Variants in TNFRSF10D observed in about 807,000 individuals in gnomAD.
The protein encoded by TNFRSF10D is TNF receptor superfamily member 10d.
In TNFRSF10D, 28 loss-of-function variants were observed where a neutral mutation model predicts 42.1. The ratio of observed to expected loss-of-function variants is 0.66; its 90% CI spans 0.49 to 0.91. TNFRSF10D has a LOEUF of 0.91. TNFRSF10D is among the 40% of genes least tolerant of loss of function. The pLI, the probability that TNFRSF10D is intolerant of heterozygous loss-of-function variation, is 0.00. For missense variants in TNFRSF10D, 503 were observed against 486.1 expected (o/e 1.03, Z -0.33); for synonymous variants, 186 against 189.4 (o/e 0.98, Z 0.15).
chr8:23,163,243 C>T (rs1323708778), intron 1 of TNFRSF10D, among the ~76,000 whole-genome samples: 4 of 152,104 alleles, frequency 2.6e-5, no homozygotes, highest in Non-Finnish European at 5.9e-5. Flanking sequence ...GCTGGGATTA[C>T]AGGCGACCGC....
Position 23,163,247 on chromosome 8 carries a change from C to T in TNFRSF10D, c.150+539G>A, listed in dbSNP as rs183531113. ...CCTCCCGAGTAGCTGGGATTACAGG[C>T]GACCGCCATCACGTCCGGCTAATTT... On this transcript the variant is annotated intron_variant, in intron 1 of 8. Transcript: ENST00000312584. Among the ~76,000 whole-genome samples, 8 of 152,190 alleles carry T rather than the reference C, an allele frequency of 5.3e-5. No homozygotes were observed. The East Asian group carries it at 1.5e-3, about 29-fold the overall frequency.
chr8:23,160,611 C>T (rs112683720), intron 1 of TNFRSF10D, among the ~76,000 whole-genome samples: 9 of 152,104 alleles, frequency 5.9e-5, no homozygotes, highest in African/African-American at 2.2e-4. Context: ...AAGATGTACA[C>T]TCTCTGGCTG....
Position 23,149,959 on chromosome 8 carries a change from C to T in TNFRSF10D, c.257-1408G>A, listed in dbSNP as rs540576967. On this transcript the variant is annotated intron_variant, in intron 2 of 8. Coordinates refer to ENST00000312584, the MANE Select transcript of TNFRSF10D (RefSeq NM_003840.5). ...GCCTCTTATAATTATCCCATTAGCA[C>T]GGTGCCTGACTGACAGAAATCATCC... Among the ~76,000 whole-genome samples, 14 of 152,240 alleles carry T rather than the reference C, an allele frequency of 9.2e-5. No homozygotes were observed. The East Asian group carries it at 1.4e-3, about 15-fold the overall frequency.
intron 1 of TNFRSF10D, among the ~76,000 whole-genome samples, chr8:23,162,924 T>G (rs1180170829): frequency 2.0e-5 from 3 of 151,442 alleles, no homozygotes; most frequent in African/African-American, 7.3e-5. Context: ...TGTTTGTTTG[T>G]TTGTCTGTTT....
At chr8:23,145,529 G>A in intron 5 of TNFRSF10D, 139 bp downstream of exon 5, 3 of 1,285,832 alleles carry the variant, frequency 2.3e-6, no homozygotes, top group South Asian at 1.4e-5. Flanking sequence ...TGGGGATGGG[G>A]CGATCACAAG....
At position 23,163,789 on chromosome 8, in the gene TNFRSF10D, CA is replaced by C; in HGVS notation, c.146del (p.Leu49ArgfsTer151). The C allele has an allele frequency of 6.2e-7, 1 of 1,609,262 alleles. No homozygotes were observed. Among genetic ancestry groups the C allele is most frequent in the Non-Finnish European group, 8.5e-7 (1 of 1,178,500 alleles). On this transcript the variant is annotated frameshift_variant, in exon 1 of 9. Coordinates refer to ENST00000312584, the MANE Select transcript of TNFRSF10D (RefSeq NM_003840.5). LOFTEE classifies it high-confidence loss of function. ...KFVVFIVAVL[L>X]PVRVDSATIP... ...AGGGACCGCGGCGGAGACTCACCGG[CA>C]GCAGAACCGCGACGATGAAGACGAC...
At chr8:23,148,299 C>G (rs1027876205) in intron 3 of TNFRSF10D, 139 bp downstream of exon 3, 1 of 371,372 alleles carries the variant, frequency 2.7e-6, no homozygotes, top group African/African-American at 2.1e-5. Flanking sequence ...TTTTAATCAA[C>G]TAGTCATAAT....
intron 1 of TNFRSF10D, among the ~76,000 whole-genome samples, chr8:23,159,514 A>G (rs1316644698): frequency 6.6e-6 from 1 of 152,126 alleles, no homozygotes; most frequent in Admixed American, 6.5e-5. Flanking sequence ...CCAATTCAAT[A>G]TATAAGTAAC....
rs1800131970 is a variant in TNFRSF10D, at chr8:23,147,144, T to G, written c.371-72A>C. The G allele has an allele frequency of 3.1e-6, 4 of 1,279,150 alleles. No homozygotes were observed. In the South Asian group the frequency reaches 4.8e-5, roughly 15 times the overall value. 79.2% of individuals were successfully genotyped at this position (1,279,150 alleles called of 1,614,324 possible). A position where few individuals can be genotyped will look rare whatever the true frequency, so the allele number is the denominator to read the frequency against. ...CTGTCCACCCTTCCTCACCACCCCATCCCCTCCCACTCAGCTCAACTCAGT... is the reference window on the plus strand; with the variant it reads ...CTGTCCACCCTTCCTCACCACCCCAGCCCCTCCCACTCAGCTCAACTCAGT... On this transcript the variant is annotated intron_variant, in intron 3 of 8. Transcript: ENST00000312584.
At chr8:23,150,810 GA>G (rs1422916552) in intron 2 of TNFRSF10D, among the ~76,000 whole-genome samples, 917 of 151,802 alleles carry the variant, frequency 6.0e-3, no homozygotes, top group African/African-American at 0.019. Flanking sequence ...TTAATCGGAA[GA>G]AAGAATCAGT....
At chr8:23,152,376 T>C (rs1291497654) in intron 2 of TNFRSF10D, among the ~76,000 whole-genome samples, 1 of 152,192 alleles carries the variant, frequency 6.6e-6, no homozygotes, top group African/African-American at 2.4e-5. Context: ...TAAAGATCCA[T>C]GGGCATTATA....
rs750204400 is a variant in TNFRSF10D, at chr8:23,144,413, T to C, written c.954+37A>G. The C allele has an allele frequency of 4.4e-6, 7 of 1,600,456 alleles. No homozygotes were observed. In the South Asian group the frequency reaches 4.5e-5, roughly 10 times the overall value. ...ACTGTCTACAAAGTCCTGTGCAGGC[T>C]GCACGCCAGGCAGGGCACAGTCCCT... On this transcript the variant is annotated intron_variant, in intron 7 of 8. Coordinates refer to ENST00000312584, the MANE Select transcript of TNFRSF10D (RefSeq NM_003840.5).
rs1800106535 is a variant in TNFRSF10D at position 23,145,564 on chromosome 8, A to G, written c.736+104T>C. The G allele has an allele frequency of 3.9e-6, 6 of 1,544,736 alleles. No individual in the cohort carries two copies. In the South Asian group the frequency reaches 4.6e-5, roughly 12 times the overall value. ...GAAGGAAGACCAAGCCAGGCTGGAG[A>G]CGCTTGGACCAGGGGCAGGGATGGG... On this transcript the variant is annotated intron_variant, in intron 5 of 8. Transcript: ENST00000312584.
chr8:23,147,878 C>T lies in TNFRSF10D; in HGVS notation c.370+560G>A, dbSNP rs192559544. Among the ~76,000 whole-genome samples the T allele has an allele frequency of 5.2e-3, 782 of 151,778 alleles. 3 individuals carry two copies. The highest frequency in any genetic ancestry group is 8.8e-3 in the Non-Finnish European group (597 of 67,910). On this transcript the variant is annotated intron_variant, in intron 3 of 8. Transcript: ENST00000312584. ...GAGATCGAGACCATCCTGGCTAACA[C>T]GGTGAAACCCCGTCTCTACTAAAAA... is the stretch of plus-strand genomic sequence containing the variant.
chr8:23,140,118 C>CCCGT (rs1814426322), intron 7 of TNFRSF10D, among the ~76,000 whole-genome samples: 1 of 151,820 alleles, frequency 6.6e-6, no homozygotes, highest in Non-Finnish European at 1.5e-5. Context: ...TGAAACCCCA[C>CCCGT]CTCTACTAAA....
chr8:23,156,436 C>T (rs150432100), intron 1 of TNFRSF10D, among the ~76,000 whole-genome samples: 16 of 152,282 alleles, frequency 1.1e-4, no homozygotes, highest in African/African-American at 3.9e-4. Context: ...GAAGCTAATG[C>T]ACATTTCCCA....
Position 23,137,932 on chromosome 8 carries a change from C to T in TNFRSF10D, c.1099G>A (p.Val367Met). The T allele has an allele frequency of 6.2e-7, 1 of 1,614,226 alleles. No homozygotes were observed. Reference protein sequence around the residue: ...HAKETIQDQLVGSEKLFYEED... With the variant: ...HAKETIQDQLMGSEKLFYEED... ...TCATAAAAGAGCTTTTCGGAGCCCA[C>T]CAGTTGGTCCTGAATTGTTTCCTTT... is the stretch of plus-strand genomic sequence containing the variant. Residue 367 changes from valine (V) to methionine (M), a missense_variant, in exon 9 of 9, where the codon GTG (valine) becomes ATG (methionine). Val to Met is a conservative substitution (Grantham distance 21). Coordinates refer to ENST00000312584, the MANE Select transcript of TNFRSF10D (RefSeq NM_003840.5).
rs977859492 is a variant in TNFRSF10D at position 23,155,920 on chromosome 8, G to A, written c.151-941C>T. Among the ~76,000 whole-genome samples the A allele has an allele frequency of 5.3e-5, 8 of 152,006 alleles. No individual in the cohort carries two copies. The East Asian group carries it at 1.5e-3, about 29-fold the overall frequency. On this transcript the variant is annotated intron_variant, in intron 1 of 8. Coordinates refer to ENST00000312584, the MANE Select transcript of TNFRSF10D (RefSeq NM_003840.5). ...TAACCTTAAAGAAAGTCAGGATATA[G>A]CATCAAACATTAAGTAATTTCTGCT...
chr8:23,163,759 C>T (rs751565847), intron 1 of TNFRSF10D, 27 bp downstream of exon 1: 2 of 1,604,396 alleles, frequency 1.2e-6, no homozygotes, highest in Non-Finnish European at 8.5e-7. Context: ...CGCTCTTCCC[C>T]AGCCAGGGAC....
Sources: allele counts gnomAD v4.1 joint callset (sites outside exome capture counted in the v4.1 genomes callset), GRCh38; gene constraint gnomAD v4.1.1; transcripts MANE v1.5; gene names NCBI Gene and HGNC (gene_info 2026-07-23, HGNC 2026-07-21).